MSH3: variants seen among roughly 807,000 people sequenced by gnomAD.
MSH3 encodes mutS homolog 3, also known as DNA mismatch repair protein Msh3.
In MSH3, 106 loss-of-function variants were observed where a neutral mutation model predicts 123.3. The ratio of observed to expected loss-of-function variants is 0.86; its 90% confidence interval spans 0.73 to 1.01. The LOEUF (loss-of-function observed/expected upper bound fraction) is 1.01. MSH3 is among the 50% of genes least tolerant of loss of function. The probability of loss-of-function intolerance (pLI) is 0.00; values close to 1 mark genes in which losing one functional copy is unlikely to be tolerated. For synonymous variants in MSH3, 515 were observed against 481.4 expected, an observed-to-expected ratio of 1.07 and a Z score of -0.91; for missense variants, 1,459 against 1,347.6, an observed-to-expected ratio of 1.08 and a Z score of -1.29.
intron 17 of MSH3, among the ~76,000 whole-genome samples, chr5:80,782,313 A>G (rs552666658): frequency 6.6e-6 from 1 of 151,924 alleles, no homozygotes; most frequent in South Asian, 2.1e-4. Context: ...ATATTCAAGG[A>G]ATGAAAAGGA....
chr5:80,692,198 T>TTAGA (rs755629943), intron 8 of MSH3, among the ~76,000 whole-genome samples: 6 of 75,258 alleles, frequency 8.0e-5, no homozygotes, highest in South Asian at 4.5e-4. Context: ...ATGTATATGT[T>TTAGA]TAGATAGATA....
Position 80,694,208 on chromosome 5 carries a change from G to A in MSH3, c.1340+15115G>A, listed in dbSNP as rs147703121. On this transcript the variant is annotated intron_variant, in intron 8 of 23. Transcript: ENST00000265081. ...TCAGACCATACAGAAAATTTCAGTTGGAAAATATATATGTATTCATTACCT... is the reference window on the plus strand; with the variant it reads ...TCAGACCATACAGAAAATTTCAGTTAGAAAATATATATGTATTCATTACCT... 4.8e-3 allele frequency among the ~76,000 whole-genome samples: 730 copies of A among 152,112 alleles called. 5 individuals carry two copies. Among genetic ancestry groups the A allele is most frequent in the Non-Finnish European group, 8.4e-3 (573 of 67,994 alleles).
intron 12 of MSH3, among the ~76,000 whole-genome samples, chr5:80,753,533 A>G (rs1453476157): frequency 6.6e-6 from 1 of 152,178 alleles, no homozygotes; most frequent in Non-Finnish European, 1.5e-5. Context: ...AGTTCTGGGA[A>G]TTGAGGAATC....
intron 3 of MSH3, 87 bp from the exon 4 acceptor site, chr5:80,670,010 C>G (rs1749667653): frequency 7.8e-7 from 1 of 1,275,808 alleles, no homozygotes. Flanking sequence ...TAAGTGTTAG[C>G]TTTTTGCCAG....
intron 22 of MSH3, among the ~76,000 whole-genome samples, chr5:80,865,456 G>A (rs990867958): frequency 6.6e-6 from 1 of 152,102 alleles, no homozygotes; most frequent in Non-Finnish European, 1.5e-5. Context: ...TTAGATGGGG[G>A]CTAAAATGAG....
chr5:80,796,577 C>A (rs1744702553), intron 19 of MSH3, among the ~76,000 whole-genome samples: 1 of 151,316 alleles, frequency 6.6e-6, no homozygotes. Context: ...TAAAATATAC[C>A]CTGAAAATAA....
intron 21 of MSH3, among the ~76,000 whole-genome samples, chr5:80,862,897 A>G (rs1302492261): frequency 6.6e-6 from 1 of 152,232 alleles, no homozygotes; most frequent in East Asian, 1.9e-4. Context: ...TTTAATCAAC[A>G]TTTAATAACG....
intron 13 of MSH3, among the ~76,000 whole-genome samples, chr5:80,765,228 AT>A (rs1744102997): frequency 6.6e-6 from 1 of 152,128 alleles, no homozygotes; most frequent in Admixed American, 6.5e-5. Context: ...AAAATTAATC[AT>A]TTTCTTGGGA....
intron 20 of MSH3, among the ~76,000 whole-genome samples, chr5:80,842,458 T>A (rs1745643688): frequency 6.6e-6 from 1 of 152,170 alleles, no homozygotes; most frequent in Admixed American, 6.5e-5. Context: ...AGTGGTAGCT[T>A]GATGTGGGAG....
intron 8 of MSH3, among the ~76,000 whole-genome samples, chr5:80,700,656 ATAAGT>A (rs1201645468): frequency 1.3e-5 from 2 of 152,258 alleles, no homozygotes; most frequent in South Asian, 2.1e-4. Flanking sequence ...TTAAAACATG[ATAAGT>A]TAATAGGTGA....
At chr5:80,826,707 C>T (rs1287724539) in intron 20 of MSH3, among the ~76,000 whole-genome samples, 1 of 152,040 alleles carries the variant, frequency 6.6e-6, no homozygotes, top group East Asian at 1.9e-4. Flanking sequence ...TGCCACCACG[C>T]CCAGCTAATT....
At position 80,741,529 on chromosome 5, in the gene MSH3, T is replaced by C; in HGVS notation, c.1634T>C (p.Leu545Pro). 1 of 1,609,970 alleles carries C rather than the reference T, an allele frequency of 6.2e-7. No homozygotes were observed. Among genetic ancestry groups the C allele is most frequent in the Non-Finnish European group, 8.5e-7 (1 of 1,176,242 alleles). Reference protein sequence around the residue: ...MTINGTTLRNLEILQNQTDMK... With the variant: ...MTINGTTLRNPEILQNQTDMK... ...ATTAATGGAACAACATTAAGGAATC[T>C]GGAAATCCTACAGAATCAGGTCAGG... Residue 545 changes from leucine to proline, a missense_variant, in exon 11 of 24, where the codon CTG becomes CCG. By Grantham distance (98) the Leu-to-Pro change is moderately conservative. Transcript: ENST00000265081.
chr5:80,832,852 A>G (rs935572556), intron 20 of MSH3, among the ~76,000 whole-genome samples: 2 of 152,098 alleles, frequency 1.3e-5, no homozygotes, highest in African/African-American at 4.8e-5. Flanking sequence ...TTATCATTCA[A>G]TATGAAAAGT....
intron 2 of MSH3, among the ~76,000 whole-genome samples, chr5:80,661,246 C>G (rs1749427566): frequency 6.6e-6 from 1 of 151,992 alleles, no homozygotes; most frequent in Admixed American, 6.5e-5. Context: ...TTCTGTCTTC[C>G]TGTCTCTTGT....
At chr5:80,701,255 A>G (rs1200865984) in intron 8 of MSH3, among the ~76,000 whole-genome samples, 1 of 152,216 alleles carries the variant, frequency 6.6e-6, no homozygotes, top group Admixed American at 6.5e-5. Context: ...ATGAAGGGAA[A>G]GATTGAGTCC....
At chr5:80,667,067 T>G (rs1292615721) in intron 3 of MSH3, among the ~76,000 whole-genome samples, 1 of 152,184 alleles carries the variant, frequency 6.6e-6, no homozygotes, top group Non-Finnish European at 1.5e-5. Flanking sequence ...AACCTGCACA[T>G]GTACCCCTGA....
At chr5:80,805,350 A>C (rs562932273) in intron 19 of MSH3, among the ~76,000 whole-genome samples, 1 of 152,188 alleles carries the variant, frequency 6.6e-6, no homozygotes, top group Non-Finnish European at 1.5e-5. Context: ...TTCTCCATAC[A>C]CTTAAGTCTT....
intron 8 of MSH3, among the ~76,000 whole-genome samples, chr5:80,691,523 A>G (rs1321857050): frequency 2.0e-5 from 3 of 150,504 alleles, no homozygotes; most frequent in Non-Finnish European, 1.5e-5. Flanking sequence ...TATAAATTCA[A>G]TGCAATTCTT....
At chr5:80,783,032 A>G (rs1274191613) in intron 17 of MSH3, among the ~76,000 whole-genome samples, 1 of 152,162 alleles carries the variant, frequency 6.6e-6, no homozygotes, top group Non-Finnish European at 1.5e-5. Flanking sequence ...CTCAATTGCA[A>G]ATTATTTAAA....
Sources: gnomAD v4.1 joint callset for allele counts (sites outside exome capture counted in the v4.1 genomes callset) on GRCh38, gnomAD v4.1.1 for gene constraint, MANE v1.5 for transcripts, NCBI Gene and HGNC (gene_info 2026-07-23, HGNC 2026-07-21) for gene names.